The following PKNOX2 variants were observed in gnomAD, a reference collection of about 807,000 sequenced individuals.
PKNOX2 encodes the protein PBX/knotted 1 homeobox 2, also known as homeobox protein PKNOX2.
PKNOX2 carries 14 observed loss-of-function variants against 53.1 expected under a neutral mutation model. The ratio of observed to expected loss-of-function variants is 0.26; its 90% CI spans 0.17 to 0.41. The LOEUF (loss-of-function observed/expected upper bound fraction) is 0.41, where lower values mean the gene tolerates loss of function less well. PKNOX2 is among the 10% of genes least tolerant of loss of function. The pLI, the probability that PKNOX2 is intolerant of heterozygous loss-of-function variation, is 1.00. For missense variants in PKNOX2, 496 were observed against 602.8 expected, an observed-to-expected ratio of 0.82 and a Z score of 1.85; for synonymous variants, 257 against 242.8, an observed-to-expected ratio of 1.06 and a Z score of -0.54.
chr11:125,199,771 C>T (rs1938215489), intron 1 of PKNOX2, among the ~76,000 whole-genome samples: 1 of 152,212 alleles, frequency 6.6e-6, no homozygotes, highest in Non-Finnish European at 1.5e-5. Flanking sequence ...CACTTGAACC[C>T]AGGCGGTGGA....
intron 1 of PKNOX2, among the ~76,000 whole-genome samples, chr11:125,178,608 AGG>A (rs1491301722): frequency 1.6e-5 from 1 of 62,244 alleles, no homozygotes; most frequent in Non-Finnish European, 3.0e-5. Context: ...GAAGGAAGGA[AGG>A]AAAGAAAGAA....
At chr11:125,323,382 A>C (rs1276956006) in intron 2 of PKNOX2, among the ~76,000 whole-genome samples, 1 of 152,208 alleles carries the variant, frequency 6.6e-6, no homozygotes, top group Non-Finnish European at 1.5e-5. Context: ...TGTCTGAATG[A>C]GAATTTTACA....
At chr11:125,336,819 A>C (rs1194591478) in intron 3 of PKNOX2, among the ~76,000 whole-genome samples, 1 of 147,314 alleles carries the variant, frequency 6.8e-6, no homozygotes, top group Non-Finnish European at 1.5e-5. Context: ...TTTTAAAATC[A>C]CATATAATAG....
intron 4 of PKNOX2, among the ~76,000 whole-genome samples, chr11:125,364,156 A>G (rs1199176900): frequency 6.6e-6 from 1 of 152,208 alleles, no homozygotes; most frequent in South Asian, 2.1e-4. Context: ...AGCCCTGTGG[A>G]CAGCTGCAGG....
intron 2 of PKNOX2, among the ~76,000 whole-genome samples, chr11:125,236,959 G>T (rs1216755437): frequency 1.3e-5 from 2 of 152,164 alleles, no homozygotes; most frequent in Admixed American, 6.5e-5. Context: ...TAACAGAATG[G>T]CTTAACATCA....
chr11:125,294,668 C>G (rs933971157), intron 2 of PKNOX2, among the ~76,000 whole-genome samples: 8 of 152,168 alleles, frequency 5.3e-5, no homozygotes, highest in Non-Finnish European at 8.8e-5. Flanking sequence ...TAAAAAAGGC[C>G]TGGGCATCAG....
chr11:125,169,097 C>T (rs760211303), intron 1 of PKNOX2, among the ~76,000 whole-genome samples: 5 of 152,106 alleles, frequency 3.3e-5, no homozygotes, highest in South Asian at 2.1e-4. Flanking sequence ...TATATATAAA[C>T]GTGTGATGCA....
At position 125,267,016 on chromosome 11, in the gene PKNOX2, G is replaced by A. The variant is rs187254480; in HGVS notation, c.-130+31901G>A. On this transcript the variant is annotated intron_variant, in intron 2 of 12. Transcript: ENST00000298282. ...TCCCTTTTGATTTCTCTGAGACAGA[G>A]GCTGTTTAGAGGCCATGAGAGGGAG... Among the ~76,000 whole-genome samples, 31 of 152,344 alleles carry A rather than the reference G, an allele frequency of 2.0e-4. 1 individual carries two copies. The highest frequency in any genetic ancestry group is 1.8e-3 in the Admixed American group (28 of 15,296).
In PKNOX2 at chr11:125,166,076, C is replaced by T. The variant is rs569921315; in HGVS notation, c.-201+1300C>T. Among the ~76,000 whole-genome samples the T allele has an allele frequency of 4.1e-4, 62 of 151,982 alleles. No homozygotes were observed. Among genetic ancestry groups the T allele is most frequent in the African/African-American group, 1.4e-3 (60 of 41,444 alleles). ...TGGGTTTTAGGACCAGTCTAGAGTT[C>T]GGTTTATAGGATCCAGACTGTTTAC... On this transcript the variant is annotated intron_variant, in intron 1 of 12. Coordinates refer to ENST00000298282, the MANE Select transcript of PKNOX2 (RefSeq NM_001382323.2). The surrounding 1 kb of genome is among the most constrained non-coding windows in gnomAD (Gnocchi z 4.0).
At chr11:125,274,290 A>G (rs1014045008) in intron 2 of PKNOX2, among the ~76,000 whole-genome samples, 1 of 152,114 alleles carries the variant, frequency 6.6e-6, no homozygotes, top group Non-Finnish European at 1.5e-5. Context: ...CACCACACAT[A>G]CTTTCAGAAC....
intron 1 of PKNOX2, among the ~76,000 whole-genome samples, chr11:125,195,883 G>GCACGCACACA (rs1190771243): frequency 1.5e-4 from 21 of 143,916 alleles, no homozygotes; most frequent in African/African-American, 5.1e-4. Flanking sequence ...ATATGTACAT[G>GCACGCACACA]CACACACACA....
chr11:125,296,211 A>G (rs1947646278), intron 2 of PKNOX2, among the ~76,000 whole-genome samples: 1 of 152,004 alleles, frequency 6.6e-6, no homozygotes, highest in African/African-American at 2.4e-5. Context: ...CCCAGCAGCC[A>G]GTTTCCATTT....
intron 2 of PKNOX2, chr11:125,287,596 G>T (rs1946991690): frequency 6.6e-6 from 1 of 152,226 alleles, no homozygotes; most frequent in Non-Finnish European, 1.5e-5. Flanking sequence ...CAAAGCTTAG[G>T]CTACAGGCAG....
intron 1 of PKNOX2, among the ~76,000 whole-genome samples, chr11:125,193,399 T>G (rs1956994927): frequency 6.6e-6 from 1 of 152,214 alleles, no homozygotes; most frequent in Non-Finnish European, 1.5e-5. Flanking sequence ...GCCCTGCATC[T>G]TTCTGAGGCA....
chr11:125,280,995 C>T (rs544494790), intron 2 of PKNOX2, among the ~76,000 whole-genome samples: 3 of 152,282 alleles, frequency 2.0e-5, no homozygotes, highest in South Asian at 2.1e-4. Flanking sequence ...CCTGAGTGAC[C>T]GTCCTGGCTT....
In PKNOX2 at chr11:125,422,985, G is replaced by T. The variant is rs1355462194; in HGVS notation, c.937-6027G>T. ...ATTTAACAAACACAGAGTACACTAA[G>T]CACCGTTCTAAATAGCTTTCGTATA... On this transcript the variant is annotated intron_variant, in intron 10 of 12. Transcript: ENST00000298282. The surrounding 1 kb of genome is among the most constrained non-coding windows in gnomAD (Gnocchi z 4.1). Among the ~76,000 whole-genome samples the T allele has an allele frequency of 6.6e-6, 1 of 151,870 alleles. No homozygotes were observed. The highest frequency in any genetic ancestry group is 1.5e-5 in the Non-Finnish European group (1 of 68,000).
At chr11:125,311,148 T>C (rs147605799) in intron 2 of PKNOX2, among the ~76,000 whole-genome samples, 5 of 152,306 alleles carry the variant, frequency 3.3e-5, no homozygotes, top group African/African-American at 1.2e-4. Flanking sequence ...CCATGCCTTG[T>C]TCCATCTTTT....
intron 1 of PKNOX2, among the ~76,000 whole-genome samples, chr11:125,216,689 G>A (rs1445025224): frequency 1.3e-5 from 2 of 152,188 alleles, no homozygotes; most frequent in East Asian, 3.9e-4. Context: ...GATTTGGGAA[G>A]GCCTGCCCAG....
intron 2 of PKNOX2, among the ~76,000 whole-genome samples, chr11:125,251,223 T>A (rs1943967890): frequency 6.6e-6 from 1 of 152,226 alleles, no homozygotes; most frequent in Non-Finnish European, 1.5e-5. Flanking sequence ...ATCCCATCCC[T>A]CCTGGAAGCT....
Sources: gnomAD v4.1 joint callset for allele counts (sites outside exome capture counted in the v4.1 genomes callset) on GRCh38, gnomAD v4.1.1 for gene constraint, Gnocchi (gnomAD v3.1) non-coding constraint, MANE v1.5 for transcripts, NCBI Gene and HGNC (gene_info 2026-07-23, HGNC 2026-07-21) for gene names.